The following ADTRP variants were observed in gnomAD, a reference collection of about 807,000 sequenced individuals.
ADTRP encodes androgen dependent TFPI regulating protein, also known as androgen-dependent TFPI-regulating protein.
ADTRP carries 20 observed loss-of-function variants against 27.0 expected under a neutral mutation model. The ratio of observed to expected loss-of-function variants is 0.74; its 90% CI spans 0.52 to 1.08. The LOEUF is 1.08. ADTRP is among the 50% of genes least tolerant of loss of function. The probability of loss-of-function intolerance (pLI) is 0.00; values close to 1 mark genes in which losing one functional copy is unlikely to be tolerated. For synonymous variants in ADTRP, 101 were observed against 105.2 expected, an observed-to-expected ratio of 0.96 and a Z score of 0.25; for missense variants, 251 against 275.0, an observed-to-expected ratio of 0.91 and a Z score of 0.62.
At chr6:11,768,102 T>C (rs1180011136) in intron 2 of ADTRP, 147 bp downstream of exon 2, 7 of 933,150 alleles carry the variant, frequency 7.5e-6, no homozygotes, top group Non-Finnish European at 1.1e-5. Flanking sequence ...CACTGGGCAA[T>C]GTGGCGCAGT....
At chr6:11,738,355 T>C (rs1308994783) in intron 3 of ADTRP, among the ~76,000 whole-genome samples, 1 of 152,206 alleles carries the variant, frequency 6.6e-6, no homozygotes, top group Non-Finnish European at 1.5e-5. Flanking sequence ...CAAGGCCACC[T>C]TGGAGCCCTG....
At chr6:11,768,457 A>T (rs1763645882) in intron 1 of ADTRP, 74 bp from the exon 2 acceptor site, 2 of 1,572,552 alleles carry the variant, frequency 1.3e-6, no homozygotes, top group East Asian at 4.5e-5. Flanking sequence ...GGAAAACTCC[A>T]TCCCTCTGAG....
At chr6:11,761,242 C>A (rs4140558) in intron 3 of ADTRP, among the ~76,000 whole-genome samples, 1 of 151,976 alleles carries the variant, frequency 6.6e-6, no homozygotes, top group Non-Finnish European at 1.5e-5. Flanking sequence ...TTAAACCTGC[C>A]TTTTTTACAC....
intron 5 of ADTRP, among the ~76,000 whole-genome samples, chr6:11,721,775 T>G (rs1374318546): frequency 1.3e-5 from 2 of 152,194 alleles, no homozygotes; most frequent in Non-Finnish European, 2.9e-5. Flanking sequence ...AAAAATTGGA[T>G]GCAGTACTTA....
intron 3 of ADTRP, among the ~76,000 whole-genome samples, chr6:11,764,642 C>A (rs900030449): frequency 1.3e-5 from 2 of 151,534 alleles, no homozygotes; most frequent in Non-Finnish European, 2.9e-5. Flanking sequence ...AAAACCAGAT[C>A]GAATCACAAG....
chr6:11,723,655 G>A (rs954907062), intron 4 of ADTRP, among the ~76,000 whole-genome samples, 155 bp from the exon 5 acceptor site: 2 of 152,196 alleles, frequency 1.3e-5, no homozygotes, highest in Admixed American at 1.3e-4. Flanking sequence ...ACCTAAAGAA[G>A]TGAGGCTTTT....
intron 3 of ADTRP, among the ~76,000 whole-genome samples, chr6:11,760,329 C>G (rs758545118): frequency 6.6e-6 from 1 of 152,174 alleles, no homozygotes; most frequent in Non-Finnish European, 1.5e-5. Context: ...AAAGGTCTGA[C>G]TCGAGTCCTC....
In ADTRP at chr6:11,777,470, G is replaced by A. The variant is rs141798782; in HGVS notation, c.153+1137C>T. On this transcript the variant is annotated intron_variant, in intron 1 of 5. Coordinates refer to ENST00000414691, the MANE Select transcript of ADTRP (RefSeq NM_032744.4). ...ACCTTAGGGGTGTGTGTGTATGCGC[G>A]TGTGTGTGTGTGGTTTTTTGTTGTT... 2.2e-3 allele frequency among the ~76,000 whole-genome samples: 242 copies of A among 109,190 alleles called. 4 individuals are homozygous for A. In the South Asian group the frequency reaches 0.036, roughly 16 times the overall value. 71.6% of individuals were successfully genotyped at this position (109,190 alleles called of 152,430 possible).
At chr6:11,777,037 G>C (rs986247466) in intron 1 of ADTRP, among the ~76,000 whole-genome samples, 3 of 152,228 alleles carry the variant, frequency 2.0e-5, no homozygotes, top group African/African-American at 7.2e-5. Context: ...CCTGGAATGA[G>C]AGAGACAGTA....
chr6:11,762,784 G>A (rs565938983), intron 3 of ADTRP, among the ~76,000 whole-genome samples: 2 of 152,306 alleles, frequency 1.3e-5, no homozygotes, highest in African/African-American at 4.8e-5. Context: ...GGAGTTCTCT[G>A]ATCTATTTCA....
intron 3 of ADTRP, among the ~76,000 whole-genome samples, chr6:11,761,188 A>C (rs1020377391): frequency 2.0e-5 from 3 of 152,150 alleles, no homozygotes; most frequent in South Asian, 2.1e-4. Flanking sequence ...ATATCAGCTC[A>C]TCATAGAGGC....
At chr6:11,775,488 C>T (rs2235385) in intron 1 of ADTRP, among the ~76,000 whole-genome samples, 96,652 of 151,808 alleles carry the variant, frequency 0.64, 32,090 homozygotes, top group Non-Finnish European at 0.74. Context: ...TCCCAGAGAT[C>T]GCAATTGTAA....
intron 3 of ADTRP, among the ~76,000 whole-genome samples, chr6:11,747,888 C>A (rs1762918252): frequency 6.6e-6 from 1 of 152,184 alleles, no homozygotes; most frequent in Non-Finnish European, 1.5e-5. Flanking sequence ...TGTCCTTATT[C>A]CTCTGCTTAA....
intron 1 of ADTRP, among the ~76,000 whole-genome samples, chr6:11,777,237 C>T (rs1015758229): frequency 4.1e-5 from 5 of 122,860 alleles, no homozygotes; most frequent in Non-Finnish European, 7.2e-5. Context: ...ATTAAAAAGT[C>T]AGGATCAGTT....
intron 3 of ADTRP, among the ~76,000 whole-genome samples, chr6:11,763,291 C>T (rs944655532): frequency 6.6e-6 from 1 of 152,154 alleles, no homozygotes; most frequent in Non-Finnish European, 1.5e-5. Flanking sequence ...CACACTGTGT[C>T]CAAGGGGAGA....
In ADTRP at chr6:11,735,595, G is replaced by C. The variant is rs1382755147; in HGVS notation, c.479C>G (p.Ala160Gly). ...GCTGATGTAAGCAATGCTGGCAGCA[G>C]CCAGCAAGGTGAGTCCTGTCTTCTT... ...PSKKTGLTLL[A>G]AASIAYISRI... Residue 160 changes from alanine (A) to glycine (G), a missense_variant, in exon 4 of 6, where the codon GCT (alanine) becomes GGT (glycine). Physicochemically the swap from Ala to Gly is moderately conservative, Grantham distance 60. Transcript: ENST00000414691. 1.9e-6 allele frequency: 3 copies of C among 1,613,930 alleles called. No homozygotes were observed. Among genetic ancestry groups the C allele is most frequent in the Non-Finnish European group, 1.7e-6 (2 of 1,179,842 alleles).
At chr6:11,722,818 A>G (rs977474659) in intron 5 of ADTRP, among the ~76,000 whole-genome samples, 2 of 152,200 alleles carry the variant, frequency 1.3e-5, no homozygotes, top group African/African-American at 4.8e-5. Context: ...GAGGATTTCA[A>G]TCTCAAGTCT....
chr6:11,743,320 C>A lies in ADTRP; in HGVS notation c.391-7637G>T, dbSNP rs532577763. ...ACATTTTGACTCTTTTTCTTGTGCACTTGTCCACTGTAGGATCGAGTCTTT... is the reference window on the plus strand; with the variant it reads ...ACATTTTGACTCTTTTTCTTGTGCAATTGTCCACTGTAGGATCGAGTCTTT... On this transcript the variant is annotated intron_variant, in intron 3 of 5. Coordinates refer to ENST00000414691, the MANE Select transcript of ADTRP (RefSeq NM_032744.4). 6.6e-5 allele frequency among the ~76,000 whole-genome samples: 10 copies of A among 152,328 alleles called. No individual in the cohort carries two copies. In the South Asian group the frequency reaches 2.1e-3, roughly 32 times the overall value.
chr6:11,778,436 G>T (rs1764029483), intron 1 of ADTRP, among the ~76,000 whole-genome samples, 171 bp downstream of exon 1: 1 of 152,016 alleles, frequency 6.6e-6, no homozygotes, highest in South Asian at 2.1e-4. Context: ...TCCAAATTGG[G>T]TTTATCAGAG....
Sources: gnomAD v4.1 joint callset for allele counts (sites outside exome capture counted in the v4.1 genomes callset) on GRCh38, gnomAD v4.1.1 for gene constraint, MANE v1.5 for transcripts, NCBI Gene and HGNC (gene_info 2026-07-23, HGNC 2026-07-21) for gene names.